The following PTPN13 variants were observed in gnomAD, a reference collection of about 807,000 sequenced individuals.
PTPN13 encodes protein tyrosine phosphatase non-receptor type 13, also known as tyrosine-protein phosphatase non-receptor type 13.
Under a neutral mutation model 284.0 loss-of-function variants are expected in PTPN13, and 191 were observed. The observed-to-expected ratio is 0.67, with a 90% CI of 0.60 to 0.76. The LOEUF is 0.76. PTPN13 is among the 30% of genes least tolerant of loss of function. PTPN13 has a pLI of 0.00. For synonymous variants in PTPN13, 986 were observed against 1,022.3 expected (o/e 0.96, Z 0.68); for missense variants, 2,797 against 2,939.9 (o/e 0.95, Z 1.12).
At chr4:86,736,387 T>C (rs2149144403) in intron 15 of PTPN13, among the ~76,000 whole-genome samples, 1 of 152,276 alleles carries the variant, frequency 6.6e-6, no homozygotes, top group South Asian at 2.1e-4. Flanking sequence ...AAAAGACAAA[T>C]TTTCAGAACA....
chr4:86,594,652 C>T lies in PTPN13; in HGVS notation c.-143C>T, dbSNP rs77153955. 6.6e-6 allele frequency: 1 copy of T among 152,288 alleles called. No homozygotes were observed. The highest frequency in any genetic ancestry group is 1.9e-4 in the East Asian group (1 of 5,134). The allele number at this position is 152,288 out of a possible 1,614,324, so 9.4% of individuals were successfully genotyped here. A position where few individuals can be genotyped will look rare whatever the true frequency, so the allele number is the denominator to read the frequency against. ...GGCTCCTTCTACAGCTCCTTCAGCC[C>T]ACGCCCGCAGCCGCTTGTGGGAGAA... On this transcript the variant is annotated 5_prime_UTR_variant, in exon 1 of 48. Transcript: ENST00000411767.
At chr4:86,757,210 A>G (rs1005333584) in intron 20 of PTPN13, among the ~76,000 whole-genome samples, 4 of 152,284 alleles carry the variant, frequency 2.6e-5, no homozygotes, top group Non-Finnish European at 4.4e-5. Flanking sequence ...TGGAAATAAG[A>G]AAGAGTAAAT....
chr4:86,598,040 A>T (rs1049698323), intron 1 of PTPN13, among the ~76,000 whole-genome samples: 1 of 152,194 alleles, frequency 6.6e-6, no homozygotes, highest in Admixed American at 6.5e-5. Context: ...GCATAGTATA[A>T]AAAGTGTGGA....
chr4:86,654,117 G>A (rs985627160), intron 2 of PTPN13, among the ~76,000 whole-genome samples: 8 of 151,996 alleles, frequency 5.3e-5, no homozygotes, highest in African/African-American at 1.9e-4. Context: ...AAGAACTAGA[G>A]AAGCAAGAGC....
chr4:86,726,320 A>G lies in PTPN13; in HGVS notation c.1608+3886A>G, dbSNP rs576977846. On this transcript the variant is annotated intron_variant, in intron 10 of 47. Transcript: ENST00000411767. Reference sequence around the variant, plus strand: ...TATGTGGGCTCTTTTTTGGTTCCATATGAACTTTAAAGTAGTTTTTTCTTA... The same window carrying G: ...TATGTGGGCTCTTTTTTGGTTCCATGTGAACTTTAAAGTAGTTTTTTCTTA... 1.0e-3 allele frequency among the ~76,000 whole-genome samples: 157 copies of G among 149,532 alleles called. 13 individuals carry two copies. The Middle Eastern group carries it at 0.017, about 16-fold the overall frequency.
At chr4:86,651,048 G>C (rs1357390789) in intron 2 of PTPN13, among the ~76,000 whole-genome samples, 2 of 152,146 alleles carry the variant, frequency 1.3e-5, no homozygotes, top group Non-Finnish European at 2.9e-5. Context: ...TACTAGCTGT[G>C]AGTTTGTCAT....
intron 7 of PTPN13, among the ~76,000 whole-genome samples, chr4:86,706,963 A>G (rs1194970634): frequency 1.3e-5 from 2 of 151,876 alleles, no homozygotes; most frequent in Non-Finnish European, 2.9e-5. Flanking sequence ...TACCTCTTCA[A>G]CTCCATCCCA....
rs1186538792 is a variant in PTPN13, at chr4:86,635,324, C to T, written c.68C>T (p.Ala23Val). ...GGPLQEEEIW[A>V]VLNQSAESLQ... ...CCACTTCAGGAGGAAGAAATATGGGCTGTATTAAATCAAAGTGCTGAAAGT... is the reference window on the plus strand; with the variant it reads ...CCACTTCAGGAGGAAGAAATATGGGTTGTATTAAATCAAAGTGCTGAAAGT... Residue 23 changes from alanine to valine, a missense_variant, in exon 2 of 48, where the codon GCT becomes GTT. Transcript: ENST00000411767. The T allele has an allele frequency of 6.2e-7, 1 of 1,607,194 alleles. No homozygotes were observed. Among genetic ancestry groups the T allele is most frequent in the Admixed American group, 1.7e-5 (1 of 59,066 alleles).
intron 20 of PTPN13, among the ~76,000 whole-genome samples, chr4:86,757,915 G>A (rs1340001803): frequency 1.3e-5 from 2 of 152,108 alleles, no homozygotes; most frequent in Non-Finnish European, 2.9e-5. Flanking sequence ...TGATTATGGT[G>A]TAACAAACAG....
At chr4:86,680,025 C>G (rs1466781148) in intron 3 of PTPN13, among the ~76,000 whole-genome samples, 3 of 152,068 alleles carry the variant, frequency 2.0e-5, no homozygotes, top group African/African-American at 7.2e-5. Flanking sequence ...GTCTTAGGTG[C>G]CTTATCTATA....
chr4:86,740,589 T>G (rs1736065656), intron 15 of PTPN13, among the ~76,000 whole-genome samples: 1 of 152,226 alleles, frequency 6.6e-6, no homozygotes, highest in Admixed American at 6.5e-5. Context: ...TGCAAAGGTC[T>G]CTGACATGCC....
chr4:86,800,278 A>T (rs1221780221), intron 42 of PTPN13, among the ~76,000 whole-genome samples: 1 of 151,814 alleles, frequency 6.6e-6, no homozygotes, highest in Non-Finnish European at 1.5e-5. Flanking sequence ...AATTCGTCTT[A>T]TTTTATATCA....
chr4:86,718,240 T>A (rs1020900010), intron 9 of PTPN13, among the ~76,000 whole-genome samples: 1 of 152,202 alleles, frequency 6.6e-6, no homozygotes, highest in Non-Finnish European at 1.5e-5. Flanking sequence ...TATTTCAGTT[T>A]GTTTAATTCA....
chr4:86,659,919 T>A (rs1726284005), intron 2 of PTPN13, among the ~76,000 whole-genome samples: 1 of 152,050 alleles, frequency 6.6e-6, no homozygotes, highest in Non-Finnish European at 1.5e-5. Flanking sequence ...TAGAATTTGA[T>A]GTCTTTCTAA....
rs1429939996 is a variant in PTPN13, at chr4:86,701,431, C to G, written c.825C>G (p.Tyr275Ter). The change falls in exon 7 of 48, where the codon TAC becomes TAG. Residue 275 changes from tyrosine (Y) to a stop codon, truncating the protein, a stop_gained. Transcript: ENST00000411767. LOFTEE classifies it high-confidence loss of function. ...ATTCTGAAAATACATTCTCCCCTTA[C>G]CAGTTCAAAACTAGTGGCCCAGAAA... ...REDSENTFSP[Y>*]QFKTSGPEKK... 9 of 1,613,582 alleles carry G rather than the reference C, an allele frequency of 5.6e-6. No individual in the cohort carries two copies. The highest frequency in any genetic ancestry group is 7.6e-6 in the Non-Finnish European group (9 of 1,179,704).
intron 7 of PTPN13, among the ~76,000 whole-genome samples, chr4:86,708,741 C>T (rs1484796309): frequency 6.6e-6 from 1 of 152,128 alleles, no homozygotes; most frequent in Non-Finnish European, 1.5e-5. Context: ...CCATTTGTCT[C>T]TCTGCCGTGC....
intron 17 of PTPN13, among the ~76,000 whole-genome samples, chr4:86,749,145 A>T (rs781152023): frequency 2.6e-5 from 4 of 152,110 alleles, no homozygotes; most frequent in Non-Finnish European, 5.9e-5. Context: ...CTACCTCTTT[A>T]TGCCTGAGAG....
chr4:86,745,165 A>T, intron 17 of PTPN13, 37 bp downstream of exon 17: 1 of 1,556,596 alleles, frequency 6.4e-7, no homozygotes. Flanking sequence ...GACTCCTGGG[A>T]ATATGAATAA....
At chr4:86,747,404 A>G (rs1736889625) in intron 17 of PTPN13, among the ~76,000 whole-genome samples, 1 of 152,238 alleles carries the variant, frequency 6.6e-6, no homozygotes, top group African/African-American at 2.4e-5. Context: ...ACCTGGCACA[A>G]AGTATTCAGT....
Sources: allele counts gnomAD v4.1 joint callset (sites outside exome capture counted in the v4.1 genomes callset), GRCh38; gene constraint gnomAD v4.1.1; transcripts MANE v1.5; gene names NCBI Gene and HGNC (gene_info 2026-07-23, HGNC 2026-07-21).